The following MARCHF10 variants were observed in gnomAD, a reference collection of about 807,000 sequenced individuals.
MARCHF10 encodes the protein probable E3 ubiquitin-protein ligase MARCHF10.
Under a neutral mutation model 76.2 loss-of-function variants are expected in MARCHF10, and 64 were observed. That is an observed-to-expected ratio of 0.84 (90% confidence interval 0.69 to 1.03). The LOEUF is 1.03. MARCHF10 is among the 50% of genes least tolerant of loss of function. The probability of loss-of-function intolerance (pLI) is 0.00; values close to 1 mark genes in which losing one functional copy is unlikely to be tolerated. For missense variants in MARCHF10, 875 were observed against 958.0 expected, an observed-to-expected ratio of 0.91 and a Z score of 1.14; for synonymous variants, 340 against 357.5, an observed-to-expected ratio of 0.95 and a Z score of 0.55.
intron 7 of MARCHF10, among the ~76,000 whole-genome samples, chr17:62,724,178 T>A (rs2090636408): frequency 6.9e-6 from 1 of 144,134 alleles, no homozygotes; most frequent in Non-Finnish European, 1.5e-5. Flanking sequence ...TGCACTGATG[T>A]TCCATGCATT....
intron 4 of MARCHF10, 47 bp downstream of exon 4, chr17:62,759,788 A>T: frequency 6.3e-7 from 1 of 1,588,372 alleles, no homozygotes; most frequent in Middle Eastern, 1.7e-4. Context: ...GTTATTTTTA[A>T]TACCGGGATT....
chr17:62,743,282 A>G (rs2091581261), intron 5 of MARCHF10, among the ~76,000 whole-genome samples: 1 of 152,210 alleles, frequency 6.6e-6, no homozygotes, highest in Admixed American at 6.5e-5. Flanking sequence ...ATATATGCAG[A>G]TTCCAAGCCA....
In MARCHF10 at chr17:62,722,488, C is replaced by G; in HGVS notation, c.2214G>C (p.Gln738His). 1 of 1,610,788 alleles carries G rather than the reference C, an allele frequency of 6.2e-7. No individual in the cohort carries two copies. Among genetic ancestry groups the G allele is most frequent in the South Asian group, 1.1e-5 (1 of 90,214 alleles). Reference sequence around the variant, plus strand: ...GAGGCAGAGTGGCCACATTTCTTACCTGAGATTGCTGGTGCTTCTGGTAGA... The same window carrying G: ...GAGGCAGAGTGGCCACATTTCTTACGTGAGATTGCTGGTGCTTCTGGTAGA... ...IEFYQKHQQS[Q>H]AQNELMNSGL... The change falls in exon 8 of 11, where the codon CAG becomes CAC. Residue 738 changes from glutamine (Q) to histidine (H), a missense_variant and splice_region_variant. Physicochemically the swap from Gln to His is conservative, Grantham distance 24 (BLOSUM62 0). Coordinates refer to ENST00000311269, the MANE Select transcript of MARCHF10 (RefSeq NM_152598.4).
At chr17:62,754,369 G>C (rs1265178838) in intron 4 of MARCHF10, among the ~76,000 whole-genome samples, 6 of 152,086 alleles carry the variant, frequency 3.9e-5, no homozygotes, top group Admixed American at 3.9e-4. Flanking sequence ...CACTGCGCCC[G>C]GCCAAATTCT....
At chr17:62,798,455 A>AG (rs1339456474) in intron 2 of MARCHF10, among the ~76,000 whole-genome samples, 1 of 151,854 alleles carries the variant, frequency 6.6e-6, no homozygotes, top group East Asian at 1.9e-4. Context: ...AAAAAAAAAA[A>AG]AAAAAGAAAG....
In MARCHF10 at chr17:62,737,115, G is replaced by C. The variant is rs988338393; in HGVS notation, c.753C>G (p.Phe251Leu). Residue 251 changes from phenylalanine to leucine, a missense_variant, in exon 6 of 11, where the codon TTC (phenylalanine) becomes TTG (leucine). By Grantham distance (22) the Phe-to-Leu change is conservative. Coordinates refer to ENST00000311269, the MANE Select transcript of MARCHF10 (RefSeq NM_152598.4). The part of the protein sequence containing the change: ...GKNSPQVLSE[F>L]SGPPLTPTTV... ...TGGTGGGTGTGAGTGGTGGCCCCGA[G>C]AACTCACTCAATACTTGAGGACTAT... 1 of 1,613,964 alleles carries C rather than the reference G, an allele frequency of 6.2e-7. No individual in the cohort carries two copies. The highest frequency in any genetic ancestry group is 8.5e-7 in the Non-Finnish European group (1 of 1,180,040).
chr17:62,779,531 T>C (rs1404055769), intron 3 of MARCHF10, among the ~76,000 whole-genome samples: 1 of 152,146 alleles, frequency 6.6e-6, no homozygotes. Context: ...AAAGGAGTCA[T>C]GCAGATATAC....
chr17:62,802,704 GCTGAGAAGTGGGA>G (rs1317644466), intron 1 of MARCHF10, among the ~76,000 whole-genome samples: 2 of 152,170 alleles, frequency 1.3e-5, no homozygotes, highest in Admixed American at 1.3e-4. Flanking sequence ...GAGTGAGCTA[GCTGAGAAGTGGGA>G]CAGAGAGGAC....
At chr17:62,774,661 G>A (rs2092514194) in intron 3 of MARCHF10, among the ~76,000 whole-genome samples, 1 of 152,156 alleles carries the variant, frequency 6.6e-6, no homozygotes, top group Non-Finnish European at 1.5e-5. Flanking sequence ...CCTTGACTCA[G>A]AGTCTTCCTT....
chr17:62,709,985 G>A (rs191992414), intron 9 of MARCHF10, among the ~76,000 whole-genome samples: 15 of 152,248 alleles, frequency 9.9e-5, no homozygotes, highest in Admixed American at 6.5e-4. Flanking sequence ...AGTGTCCCTG[G>A]TCCCTCCTGC....
chr17:62,779,556 AAC>A (rs1317451175), intron 3 of MARCHF10, among the ~76,000 whole-genome samples: 1 of 152,296 alleles, frequency 6.6e-6, no homozygotes, highest in Non-Finnish European at 1.5e-5. Context: ...GTCATAGAAA[AAC>A]ACAAAATGCA....
chr17:62,708,340 G>A (rs2089718579), intron 9 of MARCHF10, among the ~76,000 whole-genome samples: 1 of 151,896 alleles, frequency 6.6e-6, no homozygotes, highest in Non-Finnish European at 1.5e-5. Context: ...CTGCCTCCCG[G>A]GTTCACGCCA....
intron 1 of MARCHF10, among the ~76,000 whole-genome samples, chr17:62,804,073 G>A (rs1051152622): frequency 2.0e-5 from 3 of 152,194 alleles, no homozygotes; most frequent in Non-Finnish European, 4.4e-5. Context: ...GGGATGCTCA[G>A]GACAGAAAGT....
At chr17:62,749,407 T>C (rs4968739) in intron 4 of MARCHF10, among the ~76,000 whole-genome samples, 108,360 of 152,048 alleles carry the variant, frequency 0.71, 39,617 homozygotes, top group African/African-American at 0.89. Flanking sequence ...GACTGGGATC[T>C]CTGGTGCCTA....
At chr17:62,759,761 G>A (rs145171236) in intron 4 of MARCHF10, 74 bp downstream of exon 4, 16 of 1,497,958 alleles carry the variant, frequency 1.1e-5, no homozygotes, top group Middle Eastern at 1.8e-4. Context: ...GTGAGCCACC[G>A]TGCTCGGCCT....
intron 2 of MARCHF10, among the ~76,000 whole-genome samples, chr17:62,793,755 T>C: frequency 9.2e-6 from 1 of 108,374 alleles, no homozygotes; most frequent in African/African-American, 3.7e-5. Flanking sequence ...CACCACCACC[T>C]CCATCACCAC....
chr17:62,803,274 C>G (rs531309417), intron 1 of MARCHF10, among the ~76,000 whole-genome samples: 1 of 151,536 alleles, frequency 6.6e-6, no homozygotes, highest in East Asian at 1.9e-4. Flanking sequence ...GGCAACAGAG[C>G]AAGACCCTGT....
Position 62,776,004 on chromosome 17 carries a change from C to T in MARCHF10, c.210+12476G>A, listed in dbSNP as rs375434641. ...GTAATGATGAGGTGTTGCTGTGTTG[C>T]CCAGACTGGTCTTGAACTCCTGGGC... On this transcript the variant is annotated intron_variant, in intron 3 of 10. Transcript: ENST00000311269. 2.0e-4 allele frequency among the ~76,000 whole-genome samples: 31 copies of T among 152,112 alleles called. No individual in the cohort carries two copies. In the East Asian group the frequency reaches 4.3e-3, roughly 21 times the overall value.
chr17:62,745,572 G>A (rs1457266106), intron 4 of MARCHF10, among the ~76,000 whole-genome samples: 2 of 152,078 alleles, frequency 1.3e-5, no homozygotes, highest in Non-Finnish European at 2.9e-5. Flanking sequence ...TATATCCTCA[G>A]GTTTATTAGC....
Sources: gnomAD v4.1 joint callset for allele counts (sites outside exome capture counted in the v4.1 genomes callset) on GRCh38, gnomAD v4.1.1 for gene constraint, MANE v1.5 for transcripts, NCBI Gene and HGNC (gene_info 2026-07-23, HGNC 2026-07-21) for gene names.